Variants in EXPH5 observed in about 807,000 individuals in gnomAD.
The protein encoded by EXPH5 is exophilin-5.
In EXPH5, 42 loss-of-function variants were observed where a neutral mutation model predicts 41.1. That is an observed-to-expected ratio of 1.02 (90% confidence interval 0.80 to 1.32). EXPH5 has a LOEUF of 1.32. Among genes scored for constraint, EXPH5 ranks in the 40% most tolerant of loss-of-function variants. The probability of loss-of-function intolerance (pLI) is 0.00; values close to 1 mark genes in which losing one functional copy is unlikely to be tolerated. For synonymous variants in EXPH5, 798 were observed against 833.5 expected, an observed-to-expected ratio of 0.96 and a Z score of 0.73; for missense variants, 2,298 against 2,314.5, an observed-to-expected ratio of 0.99 and a Z score of 0.15.
chr11:108,519,422 C>G (rs140172673), intron 4 of EXPH5, among the ~76,000 whole-genome samples: 41 of 152,198 alleles, frequency 2.7e-4, no homozygotes, highest in African/African-American at 9.6e-4. Flanking sequence ...TTTCAAGACC[C>G]TGTTAGCTAG....
At position 108,569,346 on chromosome 11, in the gene EXPH5, T is replaced by C. The variant is rs1326221302; in HGVS notation, c.119+24072A>G. ...TATTTCTATTTATTTATTATTATTT[T>C]CTTATTTTTTGGAGACAGAGCCTCT... On this transcript the variant is annotated intron_variant, in intron 1 of 5. Transcript: ENST00000265843. Among the ~76,000 whole-genome samples, 5 of 149,948 alleles carry C rather than the reference T, an allele frequency of 3.3e-5. No homozygotes were observed. In the East Asian group the frequency reaches 9.6e-4, roughly 29 times the overall value.
chr11:108,544,196 C>T (rs1364601916), intron 1 of EXPH5, among the ~76,000 whole-genome samples: 1 of 152,030 alleles, frequency 6.6e-6, no homozygotes, highest in East Asian at 1.9e-4. Flanking sequence ...TTTATTTCTG[C>T]ATTTATTTCT....
chr11:108,590,455 T>C (rs1198770310), intron 1 of EXPH5, among the ~76,000 whole-genome samples: 2 of 152,302 alleles, frequency 1.3e-5, no homozygotes, highest in East Asian at 3.9e-4. Context: ...TTAATGCAAA[T>C]ACTTTCCTGG....
intron 2 of EXPH5, 61 bp downstream of exon 2, chr11:108,541,591 T>A: frequency 8.6e-7 from 1 of 1,158,908 alleles, no homozygotes; most frequent in Non-Finnish European, 1.2e-6. Flanking sequence ...TGGGCCATTA[T>A]CTACAATACT....
rs1281993444 is a variant in EXPH5 at position 108,512,770 on chromosome 11, C to T, written c.2737G>A (p.Asp913Asn). The change falls in exon 6 of 6, where the codon GAC (aspartate) becomes AAC (asparagine). Residue 913 changes from aspartate to asparagine, a missense_variant. Asp to Asn is a conservative substitution (Grantham distance 23). Transcript: ENST00000265843. ...CTTTCTCCTAGCGATGGATCTTTGTCTGAAGGACTTCTCCTGGAGAACACT... is the reference window on the plus strand; with the variant it reads ...CTTTCTCCTAGCGATGGATCTTTGTTTGAAGGACTTCTCCTGGAGAACACT... ...TTVFSRRSPS[D>N]KDPSLGEREE... is the part of the protein sequence containing the mutation. The T allele has an allele frequency of 6.2e-7, 1 of 1,613,922 alleles. No individual in the cohort carries two copies. The highest frequency in any genetic ancestry group is 1.7e-5 in the Admixed American group (1 of 60,004).
At chr11:108,526,600 G>A (rs1481017905) in intron 4 of EXPH5, among the ~76,000 whole-genome samples, 3 of 152,166 alleles carry the variant, frequency 2.0e-5, no homozygotes, top group African/African-American at 4.8e-5. Flanking sequence ...GGATGGGGAG[G>A]TCATGCCACT....
chr11:108,590,359 A>C (rs1432786483), intron 1 of EXPH5, among the ~76,000 whole-genome samples: 1 of 152,122 alleles, frequency 6.6e-6, no homozygotes, highest in Non-Finnish European at 1.5e-5. Flanking sequence ...ATTTATTTCT[A>C]TCTTTTGCCT....
At position 108,510,939 on chromosome 11, in the gene EXPH5, G is replaced by A. The variant is rs747047365; in HGVS notation, c.4568C>T (p.Thr1523Ile). ...CTCTAAGTTTGGTTCATCTGACTGA[G>A]TCTCCTCACCAAGCTGTAGTTTATG... is the stretch of plus-strand genomic sequence containing the variant. ...ALHKLQLGEE[T>I]QSDEPNLESL... Residue 1523 changes from threonine to isoleucine, a missense_variant, in exon 6 of 6, where the codon ACT (threonine) becomes ATT (isoleucine). By Grantham distance (89) the Thr-to-Ile change is moderately conservative (BLOSUM62 -1). Transcript: ENST00000265843. 3.1e-6 allele frequency: 5 copies of A among 1,614,110 alleles called. No homozygotes were observed. The highest frequency in any genetic ancestry group is 2.2e-5 in the East Asian group (1 of 44,882).
At chr11:108,525,896 T>C (rs2093795170) in intron 4 of EXPH5, among the ~76,000 whole-genome samples, 2 of 150,932 alleles carry the variant, frequency 1.3e-5, no homozygotes, top group Admixed American at 6.6e-5. Context: ...TCTCTCCTTT[T>C]TTAAATTTTT....
In EXPH5 at chr11:108,518,356, A is replaced by C. The variant is rs771487386; in HGVS notation, c.510T>G (p.Asn170Lys). 1 of 1,613,832 alleles carries C rather than the reference A, an allele frequency of 6.2e-7. No individual in the cohort carries two copies. The highest frequency in any genetic ancestry group is 8.5e-7 in the Non-Finnish European group (1 of 1,179,914). ...CAACTAGATGATTTTCCAGAGGTGA[A>C]TTGTATATTTTTGCCTGCTAATTTT... ...RGAAVQAKIY[N>K]SPLENHLVDS... Residue 170 changes from asparagine (N) to lysine (K), a missense_variant, in exon 5 of 6, where the codon AAT (asparagine) becomes AAG (lysine). Physicochemically the swap from Asn to Lys is moderately conservative, Grantham distance 94. Coordinates refer to ENST00000265843, the MANE Select transcript of EXPH5 (RefSeq NM_015065.3).
At chr11:108,569,934 T>TG (rs900704175) in intron 1 of EXPH5, among the ~76,000 whole-genome samples, 3 of 152,110 alleles carry the variant, frequency 2.0e-5, no homozygotes, top group Non-Finnish European at 4.4e-5. Flanking sequence ...ATGCTGCAAA[T>TG]GGAGGAGCTT....
intron 1 of EXPH5, among the ~76,000 whole-genome samples, chr11:108,581,399 TA>T (rs2136114108): frequency 6.6e-6 from 1 of 152,202 alleles, no homozygotes; most frequent in African/African-American, 2.4e-5. Context: ...AAGGAAATGA[TA>T]AATGTTTGAG....
In EXPH5 at chr11:108,583,382, AT is replaced by A. The variant is rs1199358745; in HGVS notation, c.119+10035del. On this transcript the variant is annotated intron_variant, in intron 1 of 5. Coordinates refer to ENST00000265843, the MANE Select transcript of EXPH5 (RefSeq NM_015065.3). ...GTGAGATTCTGTCTCAAAAAAAAAAATAAAAAAAAAAATAAATAAGTATATC... is the reference window on the plus strand; with the variant it reads ...GTGAGATTCTGTCTCAAAAAAAAAAAAAAAAAAAAAATAAATAAGTATATC... Among the ~76,000 whole-genome samples, 6 of 151,950 alleles carry A rather than the reference AT, an allele frequency of 3.9e-5. No individual in the cohort carries two copies. The South Asian group carries it at 1.0e-3, about 26-fold the overall frequency.
At chr11:108,584,548 A>G (rs1345062081) in intron 1 of EXPH5, among the ~76,000 whole-genome samples, 3 of 152,160 alleles carry the variant, frequency 2.0e-5, no homozygotes, top group African/African-American at 4.8e-5. Flanking sequence ...TAATCAGGAT[A>G]CCATAGTATT....
rs189230386 is a variant in EXPH5, at chr11:108,546,981, T to C, written c.120-5169A>G. 2.6e-5 allele frequency among the ~76,000 whole-genome samples: 4 copies of C among 151,824 alleles called. No individual in the cohort carries two copies. In the East Asian group the frequency reaches 7.8e-4, roughly 30 times the overall value. On this transcript the variant is annotated intron_variant, in intron 1 of 5. Coordinates refer to ENST00000265843, the MANE Select transcript of EXPH5 (RefSeq NM_015065.3). ...CCACGCCCAGCTAATTTTTGTATTT[T>C]TAGTAGAGACGGGGTTTCACCATAT...
rs551104111 is a variant in EXPH5 at position 108,578,740 on chromosome 11, T to A, written c.119+14678A>T. On this transcript the variant is annotated intron_variant, in intron 1 of 5. Coordinates refer to ENST00000265843, the MANE Select transcript of EXPH5 (RefSeq NM_015065.3). ...CGTTTTATAGTTTTCATTGTAGAGA[T>A]CTTTCAGTTCTTTGGTTAAGTTTAT... 2.6e-5 allele frequency among the ~76,000 whole-genome samples: 4 copies of A among 152,326 alleles called. No individual in the cohort carries two copies. In the South Asian group the frequency reaches 8.3e-4, roughly 32 times the overall value.
Position 108,528,182 on chromosome 11 carries a change from C to G in EXPH5, c.446G>C (p.Cys149Ser). 6.2e-7 allele frequency: 1 copy of G among 1,609,208 alleles called. No homozygotes were observed. Residue 149 changes from cysteine to serine, a missense_variant and splice_region_variant, in exon 4 of 6, where the codon TGT becomes TCT. Physicochemically the swap from Cys to Ser is moderately radical, Grantham distance 112 (BLOSUM62 -1). Coordinates refer to ENST00000265843, the MANE Select transcript of EXPH5 (RefSeq NM_015065.3). ...SKLPSLGQKG[C>S]DGHAGPPMPV... ...CATAGGAGGTCCTGCATGGCCATCA[C>G]ATCTGTGGAAATAATTTGAAATGAT...
chr11:108,517,761 T>A (rs867379461), intron 5 of EXPH5, among the ~76,000 whole-genome samples: 1 of 152,174 alleles, frequency 6.6e-6, no homozygotes, highest in African/African-American at 2.4e-5. Context: ...ATTTCCTTTT[T>A]ACCTGAGGTT....
chr11:108,594,940 A>G (rs2094136528), upstream of EXPH5, among the ~76,000 whole-genome samples: 1 of 152,272 alleles, frequency 6.6e-6, no homozygotes, highest in African/African-American at 2.4e-5. Flanking sequence ...TGTGTGAACC[A>G]GGAACCAATT....
Sources: allele counts gnomAD v4.1 joint callset (sites outside exome capture counted in the v4.1 genomes callset), GRCh38; gene constraint gnomAD v4.1.1; transcripts MANE v1.5; gene names NCBI Gene and HGNC (gene_info 2026-07-23, HGNC 2026-07-21).